The following KLHL4 variants were observed in gnomAD, a reference collection of about 807,000 sequenced individuals.
KLHL4 encodes the protein kelch like family member 4, also known as kelch-like protein 4.
Under a neutral mutation model 45.8 loss-of-function variants are expected in KLHL4, and 17 were observed. The observed-to-expected ratio is 0.37, with a 90% CI of 0.25 to 0.56. KLHL4 has a LOEUF of 0.56. Among genes scored for constraint, KLHL4 ranks in the 20% least tolerant of loss-of-function variants. KLHL4 has a pLI of 0.79. For missense variants in KLHL4, 544 were observed against 544.9 expected (o/e 1.00, Z 0.02); for synonymous variants, 224 against 189.9 (o/e 1.18, Z -1.47).
chrX:87,618,311 A>T lies in KLHL4; in HGVS notation c.924+183A>T, dbSNP rs893544312. The stretch of plus-strand genomic sequence containing the variant: ...TTCCTTTTCTGAATTACAAATGTTT[A>T]ATTAAATCCCCAAACTTAAGGAAAT... On this transcript the variant is annotated intron_variant, in intron 4 of 10. Coordinates refer to ENST00000373119, the MANE Select transcript of KLHL4 (RefSeq NM_019117.5). Among the ~76,000 whole-genome samples the T allele has an allele frequency of 2.7e-5, 3 of 112,216 alleles. No homozygotes were observed. In the South Asian group the frequency reaches 1.1e-3, roughly 41 times the overall value.
At chrX:87,665,699 A>C (rs16980935) in intron 10 of KLHL4, among the ~76,000 whole-genome samples, 4,743 of 111,414 alleles carry the variant, frequency 0.043, 233 homozygotes, top group African/African-American at 0.14. Flanking sequence ...TCTCCACAAA[A>C]AGGCAAACCT....
intron 6 of KLHL4, among the ~76,000 whole-genome samples, chrX:87,629,122 C>T (rs1245767710): frequency 9.0e-6 from 1 of 111,482 alleles, no homozygotes; most frequent in African/African-American, 3.3e-5. Flanking sequence ...GCAGGAACTA[C>T]AGTGTTCTCA....
chrX:87,555,900 G>A (rs1931960892), intron 1 of KLHL4, among the ~76,000 whole-genome samples: 1 of 110,214 alleles, frequency 9.1e-6, no homozygotes, highest in African/African-American at 3.3e-5. Context: ...ATGTGTCCCA[G>A]AGATTCTGGT....
intron 1 of KLHL4, among the ~76,000 whole-genome samples, chrX:87,554,083 G>C (rs1202345821): frequency 2.0e-5 from 2 of 97,888 alleles, no homozygotes; most frequent in African/African-American, 3.8e-5. Context: ...CTATATCTCT[G>C]TTTTGGTACC....
At position 87,632,414 on chromosome X, in the gene KLHL4, C is replaced by T. The variant is rs761121316; in HGVS notation, c.1529C>T (p.Ser510Leu). The T allele has an allele frequency of 8.4e-7, 1 of 1,196,132 alleles. No homozygotes were observed. Among genetic ancestry groups the T allele is most frequent in the Non-Finnish European group, 1.1e-6 (1 of 881,690 alleles). ...GKIWTVMPPM[S>L]THRHGLGVAT... ...ATCTGGACTGTGATGCCTCCCATGT[C>T]AACACATCGGCACGGCTTAGGTAAG... Residue 510 changes from serine (S) to leucine (L), a missense_variant, in exon 7 of 11, where the codon TCA (serine) becomes TTA (leucine). Coordinates refer to ENST00000373119, the MANE Select transcript of KLHL4 (RefSeq NM_019117.5).
At chrX:87,551,043 T>C (rs1382316854) in intron 1 of KLHL4, among the ~76,000 whole-genome samples, 1 of 110,897 alleles carries the variant, frequency 9.0e-6, no homozygotes, top group African/African-American at 3.3e-5. Context: ...TGCATCCAAA[T>C]CAGTGAAGAG....
chrX:87,574,985 T>C (rs954889983), intron 1 of KLHL4, among the ~76,000 whole-genome samples: 3 of 112,099 alleles, frequency 2.7e-5, no homozygotes, highest in Non-Finnish European at 5.6e-5. Flanking sequence ...CAATGAAAAG[T>C]CTGATGTTTA....
rs1324244800 is a variant in KLHL4, at chrX:87,601,030, A to G, written c.423-12847A>G. 2.7e-5 allele frequency among the ~76,000 whole-genome samples: 3 copies of G among 111,525 alleles called. No homozygotes were observed. The Admixed American group carries it at 2.9e-4, about 11-fold the overall frequency. ...GTGGCTCCATAATACTAGGGAATGT[A>G]TCCAAGTCGCAGCACCGAAGTATGT... On this transcript the variant is annotated intron_variant, in intron 1 of 10. Coordinates refer to ENST00000373119, the MANE Select transcript of KLHL4 (RefSeq NM_019117.5).
chrX:87,578,954 T>C (rs1439934814), intron 1 of KLHL4, among the ~76,000 whole-genome samples: 1 of 112,134 alleles, frequency 8.9e-6, no homozygotes. Flanking sequence ...TCTAACATCC[T>C]GGACTTCCAG....
At position 87,664,859 on chromosome X, in the gene KLHL4, T is replaced by C; in HGVS notation, c.2021T>C (p.Val674Ala). The change falls in exon 10 of 11, where the codon GTG becomes GCG. Residue 674 changes from valine to alanine, a missense_variant. Physicochemically the swap from Val to Ala is moderately conservative, Grantham distance 64. Coordinates refer to ENST00000373119, the MANE Select transcript of KLHL4 (RefSeq NM_019117.5). ...TGCCCTCTTGGAGACAAACTCTACGTGGTTGGAGGATATGACGGACATACT... is the reference window on the plus strand; with the variant it reads ...TGCCCTCTTGGAGACAAACTCTACGCGGTTGGAGGATATGACGGACATACT... ...AVCPLGDKLY[V>A]VGGYDGHTYL... The C allele has an allele frequency of 8.3e-7, 1 of 1,198,893 alleles. No individual in the cohort carries two copies. The highest frequency in any genetic ancestry group is 1.7e-5 in the African/African-American group (1 of 57,541).
chrX:87,627,736 C>A (rs1293196334), intron 6 of KLHL4, among the ~76,000 whole-genome samples: 1 of 111,532 alleles, frequency 9.0e-6, no homozygotes, highest in South Asian at 3.7e-4. Flanking sequence ...TACAAGAGAA[C>A]TAATTTAAAA....
chrX:87,591,194 T>C (rs778314867), intron 1 of KLHL4, among the ~76,000 whole-genome samples: 9 of 112,091 alleles, frequency 8.0e-5, no homozygotes, highest in African/African-American at 2.9e-4. Flanking sequence ...TAATATCTTA[T>C]AGTGGTTTTG....
chrX:87,613,931 C>A lies in KLHL4; in HGVS notation c.477C>A (p.Phe159Leu), dbSNP rs1339872015. 1 of 1,205,873 alleles carries A rather than the reference C, an allele frequency of 8.3e-7. No homozygotes were observed. Among genetic ancestry groups the A allele is most frequent in the South Asian group, 1.8e-5 (1 of 56,145 alleles). Residue 159 changes from phenylalanine to leucine, a missense_variant, in exon 2 of 11, where the codon TTC becomes TTA. Physicochemically the swap from Phe to Leu is conservative, Grantham distance 22. Transcript: ENST00000373119. Reference protein sequence around the residue: ...DMNATRSEEQFHVINHAEQTL... With the variant: ...DMNATRSEEQLHVINHAEQTL... Reference sequence around the variant, plus strand: ...ATGCCACCAGATCTGAAGAGCAGTTCCATGTTATAAACCACGCAGAGCAAA... The same window carrying A: ...ATGCCACCAGATCTGAAGAGCAGTTACATGTTATAAACCACGCAGAGCAAA...
At chrX:87,587,366 A>C (rs1921514649) in intron 1 of KLHL4, among the ~76,000 whole-genome samples, 1 of 110,869 alleles carries the variant, frequency 9.0e-6, no homozygotes. Flanking sequence ...GGGCCAATAT[A>C]GATGGAAAAT....
At chrX:87,653,854 T>G (rs1166120710) in intron 9 of KLHL4, among the ~76,000 whole-genome samples, 1 of 111,755 alleles carries the variant, frequency 8.9e-6, no homozygotes, top group Non-Finnish European at 1.9e-5. Flanking sequence ...CTGGAAGCCA[T>G]TATCTTCAGC....
chrX:87,599,641 C>CA lies in KLHL4; in HGVS notation c.423-14225dup, dbSNP rs370162356. Among the ~76,000 whole-genome samples the CA allele has an allele frequency of 6.8e-3, 646 of 95,506 alleles. 5 individuals carry two copies. Among genetic ancestry groups the CA allele is most frequent in the Middle Eastern group, 0.01 (2 of 191 alleles). 82.9% of individuals were successfully genotyped at this position (95,506 alleles called of 115,157 possible). ...TTAGGAATCAGAAAAAAATAGGTAG[C>CA]AAAAAAAAAAAGAAAAAAACAGCGA... On this transcript the variant is annotated intron_variant, in intron 1 of 10. Transcript: ENST00000373119.
chrX:87,584,132 A>C (rs1270394901), intron 1 of KLHL4, among the ~76,000 whole-genome samples: 2 of 112,183 alleles, frequency 1.8e-5, no homozygotes, highest in African/African-American at 6.5e-5. Flanking sequence ...TATGAATCTG[A>C]AAGGACAACA....
intron 1 of KLHL4, among the ~76,000 whole-genome samples, chrX:87,604,865 G>T (rs1184620290): frequency 4.5e-5 from 5 of 111,209 alleles, no homozygotes; most frequent in African/African-American, 1.6e-4. Flanking sequence ...CAGAGCATTT[G>T]CACTATGTTC....
intron 1 of KLHL4, among the ~76,000 whole-genome samples, chrX:87,561,147 C>T (rs1380218111): frequency 9.0e-6 from 1 of 111,128 alleles, no homozygotes; most frequent in East Asian, 2.9e-4. Context: ...CAATGATGGT[C>T]TCGCCTCCCC....
Sources: allele counts gnomAD v4.1 joint callset (sites outside exome capture counted in the v4.1 genomes callset), GRCh38; gene constraint gnomAD v4.1.1; transcripts MANE v1.5; gene names NCBI Gene and HGNC (gene_info 2026-07-23, HGNC 2026-07-21).